Variants in ENPP2 observed in about 807,000 individuals in gnomAD.
The protein encoded by ENPP2 is ectonucleotide pyrophosphatase/phosphodiesterase 2.
ENPP2 carries 51 observed loss-of-function variants against 120.2 expected under a neutral mutation model. The observed-to-expected ratio is 0.42, with a 90% confidence interval of 0.34 to 0.54. The LOEUF (loss-of-function observed/expected upper bound fraction) is 0.54, where lower values mean the gene tolerates loss of function less well. Among genes scored for constraint, ENPP2 ranks in the 20% least tolerant of loss-of-function variants. The pLI is 0.04. For missense variants in ENPP2, 920 were observed against 1,066.5 expected (o/e 0.86, Z 1.91); for synonymous variants, 365 against 366.4 (o/e 1.00, Z 0.04).
intron 1 of ENPP2, among the ~76,000 whole-genome samples, chr8:119,657,793 A>G (rs946938920): frequency 1.3e-5 from 2 of 152,222 alleles, no homozygotes; most frequent in Non-Finnish European, 2.9e-5. Flanking sequence ...CTGTCATCCT[A>G]TGGCGTGAAG....
At chr8:119,663,726 C>A (rs1332579158) in intron 1 of ENPP2, among the ~76,000 whole-genome samples, 1 of 152,130 alleles carries the variant, frequency 6.6e-6, no homozygotes, top group Admixed American at 6.5e-5. Flanking sequence ...CTGAGACAAC[C>A]AAGTGCTCTG....
intron 24 of ENPP2, among the ~76,000 whole-genome samples, chr8:119,559,491 A>C (rs1813744797): frequency 6.6e-6 from 1 of 152,170 alleles, no homozygotes; most frequent in Non-Finnish European, 1.5e-5. Flanking sequence ...ATTTCATTGG[A>C]GAGGCAGTCT....
At chr8:119,629,690 G>A (rs1816524732) in intron 2 of ENPP2, among the ~76,000 whole-genome samples, 1 of 152,098 alleles carries the variant, frequency 6.6e-6, no homozygotes, top group Non-Finnish European at 1.5e-5. Context: ...TTCCAATGCA[G>A]TGGTCCATAA....
At chr8:119,629,158 G>A (rs1816482868) in intron 2 of ENPP2, among the ~76,000 whole-genome samples, 1 of 151,614 alleles carries the variant, frequency 6.6e-6, no homozygotes, top group Non-Finnish European at 1.5e-5. Context: ...TGTATGTGTG[G>A]GTATGTGTAT....
chr8:119,660,386 T>G (rs962272223), intron 1 of ENPP2, among the ~76,000 whole-genome samples: 1 of 152,186 alleles, frequency 6.6e-6, no homozygotes, highest in Non-Finnish European at 1.5e-5. Context: ...TATAGAGGAA[T>G]GTATTGGGGG....
intron 5 of ENPP2, chr8:119,618,134 CAAAT>C (rs1815605364): frequency 8.6e-6 from 3 of 349,948 alleles, no homozygotes; most frequent in Non-Finnish European, 1.7e-5. Flanking sequence ...TGTTTTGTAA[CAAAT>C]AACACAGTGA....
intron 8 of ENPP2, 140 bp downstream of exon 8, chr8:119,616,125 T>A: frequency 1.5e-6 from 1 of 669,210 alleles, no homozygotes; most frequent in Non-Finnish European, 2.5e-6. Context: ...TGTATGTATA[T>A]TAAAAGTATC....
At chr8:119,573,961 A>G (rs892720439) in intron 19 of ENPP2, among the ~76,000 whole-genome samples, 1 of 137,874 alleles carries the variant, frequency 7.3e-6, no homozygotes, top group African/African-American at 2.5e-5. Context: ...TAATAAGGGG[A>G]AAAAATACAG....
chr8:119,600,898 T>A lies in ENPP2; in HGVS notation c.900-148A>T, dbSNP rs547279637. On this transcript the variant is annotated intron_variant, in intron 10 of 24. Transcript: ENST00000075322. ...ATTCATGTTAGCATGAAAAACTTTTTTTTTTTTCTGTTGCTTCTGTGACCA... is the reference window on the plus strand; with the variant it reads ...ATTCATGTTAGCATGAAAAACTTTTATTTTTTTCTGTTGCTTCTGTGACCA... 11 of 583,442 alleles carry A rather than the reference T, an allele frequency of 1.9e-5. 1 individual carries two copies. Among genetic ancestry groups the A allele is most frequent in the African/African-American group, 1.7e-4 (9 of 52,510 alleles). The allele number at this position is 583,442 out of a possible 1,614,324, so 36.1% of individuals were successfully genotyped here. A position where few individuals can be genotyped will look rare whatever the true frequency, so the allele number is the denominator to read the frequency against.
chr8:119,601,634 C>T (rs1161865063), intron 9 of ENPP2, among the ~76,000 whole-genome samples, 172 bp from the exon 10 acceptor site: 3 of 152,132 alleles, frequency 2.0e-5, no homozygotes, highest in Non-Finnish European at 4.4e-5. Flanking sequence ...ACTACTATTT[C>T]CATTTGCAAC....
In ENPP2 at chr8:119,600,861, C is replaced by A. The variant is rs546087582; in HGVS notation, c.900-111G>T. The A allele has an allele frequency of 1.1e-5, 8 of 705,998 alleles. No homozygotes were observed. The African/African-American group carries it at 1.4e-4, about 13-fold the overall frequency. The allele number at this position is 705,998 out of a possible 1,614,324, so 43.7% of individuals were successfully genotyped here. A position where few individuals can be genotyped will look rare whatever the true frequency, so the allele number is the denominator to read the frequency against. ...AAAAATGTTCTCAAGTTTAATTTAT[C>A]CTTTAACTACTATTCATGTTAGCAT... On this transcript the variant is annotated intron_variant, in intron 10 of 24. Transcript: ENST00000075322.
rs1341209116 is a variant in ENPP2 at position 119,557,106 on chromosome 8, T to C, written c.*415A>G. On this transcript the variant is annotated 3_prime_UTR_variant, in exon 25 of 25. Transcript: ENST00000075322. ...CAGAAAAAACTGAATGTGTGATTTATTATGTTTAAGATTGGTTTATAAGGC... is the reference window on the plus strand; with the variant it reads ...CAGAAAAAACTGAATGTGTGATTTACTATGTTTAAGATTGGTTTATAAGGC... 1 of 154,612 alleles carries C rather than the reference T, an allele frequency of 6.5e-6. No individual in the cohort carries two copies. Among genetic ancestry groups the C allele is most frequent in the East Asian group, 1.9e-4 (1 of 5,222 alleles). 9.6% of individuals were successfully genotyped at this position (154,612 alleles called of 1,614,324 possible).
At chr8:119,659,484 A>G (rs1051944915) in intron 1 of ENPP2, among the ~76,000 whole-genome samples, 3 of 152,288 alleles carry the variant, frequency 2.0e-5, no homozygotes, top group East Asian at 3.9e-4. Flanking sequence ...ACACACATTC[A>G]TGCATTCATG....
chr8:119,637,690 G>C (rs1436039351), intron 2 of ENPP2, among the ~76,000 whole-genome samples: 1 of 152,110 alleles, frequency 6.6e-6, no homozygotes, highest in Non-Finnish European at 1.5e-5. Flanking sequence ...CAATTTCCAG[G>C]AAATTAACCA....
At chr8:119,597,947 A>G (rs933968405) in intron 11 of ENPP2, among the ~76,000 whole-genome samples, 2 of 152,222 alleles carry the variant, frequency 1.3e-5, no homozygotes, top group African/African-American at 4.8e-5. Context: ...AAATCATTTC[A>G]ATGAAATTTC....
At chr8:119,587,638 C>G (rs1270036593) in intron 13 of ENPP2, among the ~76,000 whole-genome samples, 1 of 152,128 alleles carries the variant, frequency 6.6e-6, no homozygotes, top group Non-Finnish European at 1.5e-5. Flanking sequence ...GCATGCACCT[C>G]CTTTATTTTC....
chr8:119,615,602 A>G (rs1815403046), intron 8 of ENPP2, among the ~76,000 whole-genome samples: 2 of 152,224 alleles, frequency 1.3e-5, no homozygotes, highest in Admixed American at 1.3e-4. Flanking sequence ...TTCAGTATCA[A>G]GGTAGGATTC....
At chr8:119,601,510 A>C in intron 9 of ENPP2, 48 bp from the exon 10 acceptor site, 1 of 1,444,396 alleles carries the variant, frequency 6.9e-7, no homozygotes, top group Non-Finnish European at 9.7e-7. Flanking sequence ...TCATTTCCGC[A>C]AACTCAAGCC....
At chr8:119,648,249 G>A (rs756011929) in intron 1 of ENPP2, among the ~76,000 whole-genome samples, 2 of 152,204 alleles carry the variant, frequency 1.3e-5, no homozygotes, top group Non-Finnish European at 2.9e-5. Flanking sequence ...CAAGGTCTGT[G>A]TCATCTGCTA....
Sources: allele counts gnomAD v4.1 joint callset (sites outside exome capture counted in the v4.1 genomes callset), GRCh38; gene constraint gnomAD v4.1.1; transcripts MANE v1.5; gene names NCBI Gene and HGNC (gene_info 2026-07-23, HGNC 2026-07-21).